The following UBXN11 variants were observed in gnomAD, a reference collection of about 807,000 sequenced individuals.
UBXN11 encodes UBX domain protein 11, also known as UBX domain-containing protein 11.
UBXN11 carries 47 observed loss-of-function variants against 62.8 expected under a neutral mutation model. That is an observed-to-expected ratio of 0.75 (90% CI 0.59 to 0.95). The LOEUF (loss-of-function observed/expected upper bound fraction) is 0.95, where lower values mean the gene tolerates loss of function less well. Ranked by LOEUF, UBXN11 falls within the 40% of genes least tolerant of loss-of-function variation. The pLI, the probability that UBXN11 is intolerant of heterozygous loss-of-function variation, is 0.00. For missense variants in UBXN11, 638 were observed against 661.7 expected (o/e 0.96, Z 0.39); for synonymous variants, 294 against 267.0 (o/e 1.10, Z -0.99).
At chr1:26,316,091 T>A (rs568443888) in intron 1 of UBXN11, among the ~76,000 whole-genome samples, 11 of 150,018 alleles carry the variant, frequency 7.3e-5, no homozygotes, top group African/African-American at 2.7e-4. Context: ...CCCAAGTAGC[T>A]GAGACTATAG....
rs768264327 is a variant in UBXN11, at chr1:26,282,644, C to T, written c.1292+5G>A. On this transcript the variant is annotated splice_donor_5th_base_variant and intron_variant, in intron 14 of 14. Coordinates refer to ENST00000374222, the MANE Select transcript of UBXN11 (RefSeq NM_001389556.1). Reference sequence around the variant, plus strand: ...TCTGTGGCCCTGGCCCTGCCCTGCACCCACCTGGCCTGCGCTAGCAGAGCT... The same window carrying T: ...TCTGTGGCCCTGGCCCTGCCCTGCATCCACCTGGCCTGCGCTAGCAGAGCT... The T allele has an allele frequency of 1.9e-6, 3 of 1,613,832 alleles. No individual in the cohort carries two copies. The highest frequency in any genetic ancestry group is 1.1e-5 in the South Asian group (1 of 91,094).
intron 1 of UBXN11, among the ~76,000 whole-genome samples, chr1:26,313,272 T>C (rs992060023): frequency 1.3e-5 from 2 of 152,096 alleles, no homozygotes; most frequent in Non-Finnish European, 2.9e-5. Flanking sequence ...CCAGGGACAG[T>C]CATCAAAAGA....
At chr1:26,317,744 G>A (rs558809717) in intron 1 of UBXN11, among the ~76,000 whole-genome samples, 3 of 152,046 alleles carry the variant, frequency 2.0e-5, no homozygotes, top group African/African-American at 7.2e-5. Flanking sequence ...TACTCCCACC[G>A]TTGCCTCTGG....
At chr1:26,294,509 C>T (rs1335161966) in intron 7 of UBXN11, among the ~76,000 whole-genome samples, 178 bp from the exon 8 acceptor site, 1 of 152,220 alleles carries the variant, frequency 6.6e-6, no homozygotes, top group African/African-American at 2.4e-5. Flanking sequence ...GGAAAGCCAC[C>T]TCAGTCCCTA....
upstream of UBXN11, among the ~76,000 whole-genome samples, chr1:26,311,037 G>A (rs926972701): frequency 1.3e-5 from 2 of 152,196 alleles, no homozygotes; most frequent in African/African-American, 4.8e-5. Context: ...TGGCCTGGGA[G>A]GAGGGAGGTC....
At chr1:26,284,301 C>T in intron 11 of UBXN11, 56 bp from the exon 12 acceptor site, 3 of 1,610,662 alleles carry the variant, frequency 1.9e-6, no homozygotes, top group Non-Finnish European at 2.5e-6. Flanking sequence ...GTGGTGGAGC[C>T]CCCCTGGAGT....
chr1:26,307,008 A>G (rs2124677732), upstream of UBXN11: 1 of 152,344 alleles, frequency 6.6e-6, no homozygotes, highest in African/African-American at 2.4e-5. Context: ...TCCCCATATG[A>G]TCAGTATTGT....
chr1:26,317,018 C>T (rs914356807), intron 1 of UBXN11, among the ~76,000 whole-genome samples: 3 of 151,120 alleles, frequency 2.0e-5, no homozygotes, highest in Non-Finnish European at 4.4e-5. Context: ...CACTTGAGAT[C>T]AGGCATTCGA....
chr1:26,303,978 AG>A (rs1278235483), intron 1 of UBXN11, among the ~76,000 whole-genome samples: 1 of 152,182 alleles, frequency 6.6e-6, no homozygotes, highest in African/African-American at 2.4e-5. Flanking sequence ...TACTCTATTC[AG>A]TAAATGACCT....
intron 11 of UBXN11, 29 bp downstream of exon 11, chr1:26,284,333 C>A: frequency 6.2e-7 from 1 of 1,613,938 alleles, no homozygotes. Context: ...TCCCCCAGCC[C>A]CCTGGCTCAG....
intron 10 of UBXN11, 50 bp downstream of exon 10, chr1:26,285,414 C>T (rs752235376): frequency 9.2e-5 from 147 of 1,589,460 alleles, no homozygotes; most frequent in Non-Finnish European, 5.0e-5. Flanking sequence ...CTGTGTATCC[C>T]CACTCCCTTC....
In UBXN11 at chr1:26,293,876, G is replaced by A. The variant is rs546032935; in HGVS notation, c.559+329C>T. Among the ~76,000 whole-genome samples the A allele has an allele frequency of 9.9e-5, 15 of 152,040 alleles. No homozygotes were observed. The South Asian group carries it at 2.1e-3, about 21-fold the overall frequency. ...CAGAAGGATTGCCTTTTTTTAAAAC[G>A]GCAACATCTTCCAGATTGGTGGCGT... On this transcript the variant is annotated intron_variant, in intron 8 of 14. Coordinates refer to ENST00000374222, the MANE Select transcript of UBXN11 (RefSeq NM_001389556.1).
chr1:26,294,310 G>A lies in UBXN11; in HGVS notation c.454C>T (p.Leu152=). Residue 152 remains leucine, a synonymous_variant, in exon 8 of 15, where the codon CTG becomes TTG. Coordinates refer to ENST00000374222, the MANE Select transcript of UBXN11 (RefSeq NM_001389556.1). ...EMERFLSDYG[L]QWVGEPMDQE... Reference sequence around the variant, plus strand: ...TCCATGGGCTCGCCCACCCACTGCAGGCCATAGTCACTGAGGAACCGCTGT... The same window carrying A: ...TCCATGGGCTCGCCCACCCACTGCAAGCCATAGTCACTGAGGAACCGCTGT... 6.2e-7 allele frequency: 1 copy of A among 1,613,944 alleles called. No homozygotes were observed. Among genetic ancestry groups the A allele is most frequent in the Non-Finnish European group, 8.5e-7 (1 of 1,179,940 alleles).
intron 8 of UBXN11, among the ~76,000 whole-genome samples, chr1:26,291,268 C>G (rs1047484522): frequency 6.6e-6 from 1 of 152,188 alleles, no homozygotes; most frequent in Non-Finnish European, 1.5e-5. Context: ...AGGGTGGCAC[C>G]TGGGGAGAGA....
upstream of UBXN11, among the ~76,000 whole-genome samples, chr1:26,307,762 A>G (rs2073696168): frequency 6.6e-6 from 1 of 151,696 alleles, no homozygotes; most frequent in Non-Finnish European, 1.5e-5. Context: ...TGTAGCTGGG[A>G]CTACAGGTGT....
upstream of UBXN11, among the ~76,000 whole-genome samples, chr1:26,309,709 G>A (rs1178668499): frequency 6.6e-6 from 1 of 152,082 alleles, no homozygotes; most frequent in African/African-American, 2.4e-5. Context: ...GGGCTCTGTC[G>A]TTTAATAGCT....
upstream of UBXN11, chr1:26,306,798 G>A (rs1026546724): frequency 2.9e-5 from 4 of 136,132 alleles, no homozygotes; most frequent in African/African-American, 8.1e-5. Context: ...AGAATGCACC[G>A]CTCTGAGAGG....
At chr1:26,297,223 C>T (rs755482673) in intron 6 of UBXN11, among the ~76,000 whole-genome samples, 2 of 152,146 alleles carry the variant, frequency 1.3e-5, no homozygotes, top group Admixed American at 6.5e-5. Flanking sequence ...AGATGGGACT[C>T]GGTCCCATGT....
Position 26,282,285 on chromosome 1 carries a change from A to G in UBXN11, c.*14T>C. The G allele has an allele frequency of 2.7e-6, 4 of 1,471,616 alleles. No individual in the cohort carries two copies. The highest frequency in any genetic ancestry group is 2.8e-5 in the Admixed American group (1 of 35,154). The allele number at this position is 1,471,616 out of a possible 1,614,324, so 91.2% of individuals were successfully genotyped here. A position where few individuals can be genotyped will look rare whatever the true frequency, so the allele number is the denominator to read the frequency against. On this transcript the variant is annotated 3_prime_UTR_variant, in exon 15 of 15. Transcript: ENST00000374222. Reference sequence around the variant, plus strand: ...AAGAGCCTGGCGGAGCAGCGGGTTGAGGGGGCGGGTGCTTTATTGGGGGCT... The same window carrying G: ...AAGAGCCTGGCGGAGCAGCGGGTTGGGGGGGCGGGTGCTTTATTGGGGGCT...
Sources: allele counts gnomAD v4.1 joint callset (sites outside exome capture counted in the v4.1 genomes callset), GRCh38; gene constraint gnomAD v4.1.1; transcripts MANE v1.5; gene names NCBI Gene and HGNC (gene_info 2026-07-23, HGNC 2026-07-21).